CNOT2: variants seen among roughly 807,000 people sequenced by gnomAD.
The protein encoded by CNOT2 is CCR4-NOT transcription complex subunit 2, also known as CC chemokine receptor 4-negative regulator of transcription 2.
Under a neutral mutation model 72.1 loss-of-function variants are expected in CNOT2, and 7 were observed. The observed-to-expected ratio is 0.10, with a 90% CI of 0.06 to 0.18. The LOEUF is 0.18. CNOT2 is among the 10% of genes least tolerant of loss of function. The probability of loss-of-function intolerance (pLI) is 1.00; values close to 1 mark genes in which losing one functional copy is unlikely to be tolerated. For missense variants in CNOT2, 345 were observed against 660.3 expected (o/e 0.52, Z 5.23); for synonymous variants, 196 against 225.6 (o/e 0.87, Z 1.17).
At chr12:70,303,942 G>T (rs557744905) in intron 2 of CNOT2, among the ~76,000 whole-genome samples, 1 of 152,054 alleles carries the variant, frequency 6.6e-6, no homozygotes, top group African/African-American at 2.4e-5. Flanking sequence ...ACTTCTCGCT[G>T]CATTTCATTC....
At chr12:70,293,989 G>C in intron 2 of CNOT2, 1 of 488,176 alleles carries the variant, frequency 2.0e-6, no homozygotes, top group Non-Finnish European at 3.7e-6. Flanking sequence ...GGTTTGGCCA[G>C]TAATGAAGAG....
At chr12:70,353,297 G>A (rs977365022) in intron 15 of CNOT2, among the ~76,000 whole-genome samples, 2 of 151,944 alleles carry the variant, frequency 1.3e-5, no homozygotes, top group Non-Finnish European at 2.9e-5. Context: ...AGATGGTCTT[G>A]ATCTCCTGAC....
intron 2 of CNOT2, among the ~76,000 whole-genome samples, chr12:70,309,677 G>A (rs1481151119): frequency 6.6e-6 from 1 of 152,034 alleles, no homozygotes; most frequent in Non-Finnish European, 1.5e-5. Flanking sequence ...CCCCAAAAAT[G>A]TACTTGTGAA....
intron 3 of CNOT2, among the ~76,000 whole-genome samples, chr12:70,318,429 A>G (rs528285033): frequency 5.1e-4 from 77 of 151,632 alleles, no homozygotes; most frequent in Non-Finnish European, 9.3e-4. Flanking sequence ...TTTTTGTTCA[A>G]TTTTTTTGAA....
intron 9 of CNOT2, chr12:70,337,780 G>A (rs758802065): frequency 1.1e-4 from 55 of 502,434 alleles, no homozygotes; most frequent in Non-Finnish European, 2.0e-4. Context: ...ATCCCATGAA[G>A]TTTGATAATA....
At chr12:70,348,697 C>T (rs3782389) in intron 15 of CNOT2, among the ~76,000 whole-genome samples, 8,104 of 152,004 alleles carry the variant, frequency 0.053, 508 homozygotes, top group African/African-American at 0.15. Flanking sequence ...AATCAGCTTT[C>T]CAGAATTAAG....
At chr12:70,275,026 A>G (rs1269954399) in intron 1 of CNOT2, among the ~76,000 whole-genome samples, 1 of 152,086 alleles carries the variant, frequency 6.6e-6, no homozygotes, top group African/African-American at 2.4e-5. Flanking sequence ...ACTTTGGGGC[A>G]TAGTTGCTGA....
intron 15 of CNOT2, among the ~76,000 whole-genome samples, chr12:70,349,967 C>T (rs1882670143): frequency 6.6e-6 from 1 of 151,776 alleles, no homozygotes; most frequent in African/African-American, 2.4e-5. Flanking sequence ...GTGATTGCAT[C>T]ACTATACTCC....
rs139110098 is a variant in CNOT2, at chr12:70,312,925, A to G, written c.171+1908A>G. On this transcript the variant is annotated intron_variant, in intron 3 of 15. Coordinates refer to ENST00000229195, the MANE Select transcript of CNOT2 (RefSeq NM_014515.7). ...TAATGCTATCAGAAATAATTGCTAAAATTCTAATTTTATGCTTTAAATATT... is the reference window on the plus strand; with the variant it reads ...TAATGCTATCAGAAATAATTGCTAAGATTCTAATTTTATGCTTTAAATATT... Among the ~76,000 whole-genome samples the G allele has an allele frequency of 3.2e-3, 484 of 152,108 alleles. 5 individuals are homozygous for G. Among genetic ancestry groups the G allele is most frequent in the African/African-American group, 0.011 (443 of 41,566 alleles).
chr12:70,279,832 A>C (rs1479374992), intron 2 of CNOT2, among the ~76,000 whole-genome samples: 1 of 152,180 alleles, frequency 6.6e-6, no homozygotes, highest in Non-Finnish European at 1.5e-5. Context: ...TGTTTTATAC[A>C]TGAAGAGATT....
chr12:70,256,474 A>G (rs1046443870), intron 1 of CNOT2, among the ~76,000 whole-genome samples: 3 of 151,248 alleles, frequency 2.0e-5, no homozygotes, highest in Admixed American at 6.6e-5. Flanking sequence ...TTGTATATTG[A>G]TATGTATTAT....
chr12:70,335,941 T>C (rs1880623341), intron 8 of CNOT2: 1 of 161,484 alleles, frequency 6.2e-6, no homozygotes, highest in South Asian at 1.7e-4. Flanking sequence ...TAATAATGAC[T>C]GACTATACAT....
At chr12:70,255,931 A>G (rs146256633) in intron 1 of CNOT2, among the ~76,000 whole-genome samples, 46 of 152,336 alleles carry the variant, frequency 3.0e-4, no homozygotes, top group Middle Eastern at 3.4e-3. Context: ...TATAATTTCA[A>G]TAGTTTAAAT....
At chr12:70,307,442 G>A (rs527818169) in intron 2 of CNOT2, among the ~76,000 whole-genome samples, 45 of 151,978 alleles carry the variant, frequency 3.0e-4, no homozygotes, top group African/African-American at 1.0e-3. Flanking sequence ...ATTTGCTTAG[G>A]TCTATCAAGG....
chr12:70,338,054 A>G (rs1421590519), intron 9 of CNOT2: 1 of 220,178 alleles, frequency 4.5e-6, no homozygotes, highest in Non-Finnish European at 8.9e-6. Context: ...ACTTATCTTC[A>G]AGGTAGCTTT....
intron 3 of CNOT2, among the ~76,000 whole-genome samples, chr12:70,316,336 C>T (rs1392698813): frequency 6.6e-6 from 1 of 152,086 alleles, no homozygotes; most frequent in African/African-American, 2.4e-5. Context: ...ACTTACTGTT[C>T]TGTCAGAGTA....
At chr12:70,267,914 A>G (rs1959130343) in intron 1 of CNOT2, among the ~76,000 whole-genome samples, 1 of 152,262 alleles carries the variant, frequency 6.6e-6, no homozygotes, top group South Asian at 2.1e-4. Flanking sequence ...ACTACAATGC[A>G]GAATTGATTA....
chr12:70,325,879 A>G (rs967020575), intron 4 of CNOT2, among the ~76,000 whole-genome samples: 8 of 151,826 alleles, frequency 5.3e-5, no homozygotes, highest in Non-Finnish European at 1.0e-4. Context: ...ATGAATATTC[A>G]GGGATTTGGT....
intron 1 of CNOT2, among the ~76,000 whole-genome samples, chr12:70,252,291 A>G (rs1428775715): frequency 7.2e-5 from 11 of 152,008 alleles, no homozygotes; most frequent in Admixed American, 7.2e-4. Flanking sequence ...GGCTTAATCA[A>G]TCCTCCCACC....
Sources: allele counts gnomAD v4.1 joint callset (sites outside exome capture counted in the v4.1 genomes callset), GRCh38; gene constraint gnomAD v4.1.1; transcripts MANE v1.5; gene names NCBI Gene and HGNC (gene_info 2026-07-23, HGNC 2026-07-21).